Variants in ANKFN1 observed in about 807,000 individuals in gnomAD.
ANKFN1 encodes ankyrin repeat and fibronectin type-III domain-containing protein 1.
Under a neutral mutation model 108.7 loss-of-function variants are expected in ANKFN1, and 74 were observed. The observed-to-expected ratio is 0.68, with a 90% CI of 0.56 to 0.83. The LOEUF (loss-of-function observed/expected upper bound fraction) is 0.83. ANKFN1 is among the 40% of genes least tolerant of loss of function. The pLI is 0.00. For synonymous variants in ANKFN1, 547 were observed against 516.2 expected (o/e 1.06, Z -0.81); for missense variants, 1,505 against 1,382.3 (o/e 1.09, Z -1.41).
At chr17:56,486,680 A>G (rs1177878692) in intron 18 of ANKFN1, among the ~76,000 whole-genome samples, 1 of 152,204 alleles carries the variant, frequency 6.6e-6, no homozygotes, top group Non-Finnish European at 1.5e-5. Flanking sequence ...TTACATAGTA[A>G]AGGGTCAAGA....
intron 3 of ANKFN1, among the ~76,000 whole-genome samples, chr17:56,235,787 T>G (rs1032158851): frequency 3.9e-5 from 6 of 152,186 alleles, no homozygotes; most frequent in African/African-American, 1.4e-4. Context: ...TTGGCTAAGG[T>G]GATGACTCCA....
At chr17:56,130,892 T>C (rs1355807998) in intron 4 of ANKFN1, among the ~76,000 whole-genome samples, 1 of 152,046 alleles carries the variant, frequency 6.6e-6, no homozygotes, top group Admixed American at 6.6e-5. Flanking sequence ...CTGAATTGGG[T>C]GAGGCTGGCT....
At chr17:56,130,428 T>A (rs1274448477) in intron 4 of ANKFN1, among the ~76,000 whole-genome samples, 1 of 152,104 alleles carries the variant, frequency 6.6e-6, no homozygotes, top group African/African-American at 2.4e-5. Flanking sequence ...ATTATGGTGA[T>A]GTGAAATGGA....
chr17:56,128,893 T>G (rs1907098581), intron 4 of ANKFN1, among the ~76,000 whole-genome samples: 1 of 152,212 alleles, frequency 6.6e-6, no homozygotes, highest in Admixed American at 6.5e-5. Context: ...AAGGCAGAAC[T>G]ATTGGTCACA....
intron 3 of ANKFN1, among the ~76,000 whole-genome samples, chr17:56,232,366 CAATAACTA>C (rs1916801617): frequency 6.6e-6 from 1 of 152,062 alleles, no homozygotes; most frequent in Non-Finnish European, 1.5e-5. Flanking sequence ...AGTTTTATTA[CAATAACTA>C]AGAGCACATC....
At chr17:56,104,584 G>A (rs1452940324) in intron 4 of ANKFN1, among the ~76,000 whole-genome samples, 1 of 152,194 alleles carries the variant, frequency 6.6e-6, no homozygotes, top group Admixed American at 6.5e-5. Context: ...GCTGCTGGCT[G>A]GAGGTGCCCA....
At chr17:56,104,226 A>G (rs1049797019) in intron 4 of ANKFN1, among the ~76,000 whole-genome samples, 1 of 152,256 alleles carries the variant, frequency 6.6e-6, no homozygotes, top group Non-Finnish European at 1.5e-5. Flanking sequence ...CTCACCTGGG[A>G]AACATTTCTC....
At chr17:56,150,537 G>T (rs2143436541), upstream of ANKFN1, among the ~76,000 whole-genome samples, 1 of 152,304 alleles carries the variant, frequency 6.6e-6, no homozygotes, top group African/African-American at 2.4e-5. Flanking sequence ...AATGGTATTG[G>T]TTTAAGCAGA....
intron 6 of ANKFN1, among the ~76,000 whole-genome samples, chr17:56,355,386 A>C (rs2046348618): frequency 1.3e-5 from 2 of 152,172 alleles, no homozygotes; most frequent in South Asian, 4.1e-4. Flanking sequence ...GGCAAATAGA[A>C]AGATGCTGAG....
intron 4 of ANKFN1, among the ~76,000 whole-genome samples, chr17:56,047,816 T>C (rs1904705704): frequency 6.6e-6 from 1 of 152,164 alleles, no homozygotes; most frequent in African/African-American, 2.4e-5. Context: ...CATGACACAG[T>C]GGTGTGCCTT....
chr17:56,293,053 A>T lies in ANKFN1; in HGVS notation c.54-33168A>T, dbSNP rs995085385. On this transcript the variant is annotated intron_variant, in intron 3 of 20. Transcript: ENST00000682825. ...ATCAATTTTATGACTTCACTTATTC[A>T]TTCAGAAATTACTCATTTTTGAACC... Among the ~76,000 whole-genome samples the T allele has an allele frequency of 5.9e-5, 9 of 152,286 alleles. No homozygotes were observed. In the East Asian group the frequency reaches 1.7e-3, roughly 29 times the overall value.
chr17:56,479,675 C>A (rs1285745786), intron 16 of ANKFN1, among the ~76,000 whole-genome samples: 7 of 152,126 alleles, frequency 4.6e-5, no homozygotes, highest in African/African-American at 1.7e-4. Flanking sequence ...GTTTTCTGAC[C>A]CACAGATTGG....
intron 6 of ANKFN1, among the ~76,000 whole-genome samples, chr17:56,370,985 A>G (rs1187501584): frequency 6.6e-6 from 1 of 151,068 alleles, no homozygotes; most frequent in Non-Finnish European, 1.5e-5. Context: ...TTCATACCCC[A>G]TCATTGCTTC....
intron 4 of ANKFN1, among the ~76,000 whole-genome samples, chr17:56,129,310 C>T (rs887783267): frequency 3.3e-5 from 5 of 152,140 alleles, no homozygotes; most frequent in African/African-American, 7.2e-5. Flanking sequence ...CAATGCAGCA[C>T]CCAAAACACT....
intron 3 of ANKFN1, among the ~76,000 whole-genome samples, chr17:56,240,342 G>A (rs1917485339): frequency 6.6e-6 from 1 of 151,980 alleles, no homozygotes; most frequent in Non-Finnish European, 1.5e-5. Flanking sequence ...TTATGTTTTT[G>A]AGATTTATCC....
At chr17:56,438,989 C>A (rs952583566) in intron 8 of ANKFN1, among the ~76,000 whole-genome samples, 3 of 152,236 alleles carry the variant, frequency 2.0e-5, no homozygotes, top group South Asian at 2.1e-4. Flanking sequence ...CAAGTGCAAC[C>A]AAAACCGGGG....
chr17:56,089,210 C>T lies in ANKFN1; in HGVS notation c.288+42885C>T, dbSNP rs144396876. Among the ~76,000 whole-genome samples, 391 of 151,428 alleles carry T rather than the reference C, an allele frequency of 2.6e-3. 20 individuals are homozygous for T. The highest frequency in any genetic ancestry group is 6.8e-3 in the Middle Eastern group (2 of 292). On this transcript the variant is annotated intron_variant, in intron 4 of 12. Transcript: ENST00000635860. ...CCTATTCACTGATATATTGTGAATACCTTTCTGTCTTTGTATGTATACATT... is the reference window on the plus strand; with the variant it reads ...CCTATTCACTGATATATTGTGAATATCTTTCTGTCTTTGTATGTATACATT...
At chr17:56,495,834 A>C (rs1156815164) in intron 19 of ANKFN1, among the ~76,000 whole-genome samples, 2 of 152,176 alleles carry the variant, frequency 1.3e-5, no homozygotes, top group African/African-American at 4.8e-5. Flanking sequence ...CTGTGCTGTG[A>C]GAAAACCAAT....
At chr17:56,087,807 G>A (rs1905344023) in intron 4 of ANKFN1, among the ~76,000 whole-genome samples, 1 of 151,354 alleles carries the variant, frequency 6.6e-6, no homozygotes, top group Non-Finnish European at 1.5e-5. Flanking sequence ...TATAATCCAT[G>A]GCGGCTTTGG....
Sources: allele counts gnomAD v4.1 joint callset (sites outside exome capture counted in the v4.1 genomes callset), GRCh38; gene constraint gnomAD v4.1.1; transcripts MANE v1.5; gene names NCBI Gene and HGNC (gene_info 2026-07-23, HGNC 2026-07-21).